LIMA1: variants seen among roughly 807,000 people sequenced by gnomAD.
LIMA1 encodes LIM domain and actin-binding protein 1.
LIMA1 carries 52 observed loss-of-function variants against 62.6 expected under a neutral mutation model. That is an observed-to-expected ratio of 0.83 (90% CI 0.67 to 1.05). The LOEUF (loss-of-function observed/expected upper bound fraction) is 1.05, where lower values mean the gene tolerates loss of function less well. Ranked by LOEUF, LIMA1 falls within the 50% of genes least tolerant of loss-of-function variation. LIMA1 has a pLI of 0.00. For synonymous variants in LIMA1, 302 were observed against 317.8 expected, an observed-to-expected ratio of 0.95 and a Z score of 0.53; for missense variants, 780 against 902.2, an observed-to-expected ratio of 0.86 and a Z score of 1.74.
intron 1 of LIMA1, among the ~76,000 whole-genome samples, chr12:50,254,392 G>T (rs947767661): frequency 6.6e-6 from 1 of 152,140 alleles, no homozygotes; most frequent in African/African-American, 2.4e-5. Flanking sequence ...TGGAAATCAA[G>T]TAACCAAATC....
intron 4 of LIMA1, among the ~76,000 whole-genome samples, chr12:50,212,414 A>T (rs984793636): frequency 6.6e-6 from 1 of 152,186 alleles, no homozygotes; most frequent in African/African-American, 2.4e-5. Flanking sequence ...GCATAGATAA[A>T]ACCTAGCCTT....
In LIMA1 at chr12:50,222,214, T is replaced by C; in HGVS notation, c.437A>G (p.Lys146Arg). 1 of 1,614,210 alleles carries C rather than the reference T, an allele frequency of 6.2e-7. No homozygotes were observed. Among genetic ancestry groups the C allele is most frequent in the Non-Finnish European group, 8.5e-7 (1 of 1,180,006 alleles). ...GTGGTCTTTAAGATCCTCACCGTCCTTGATGTGGGGATATCGACCCTGAAC... is the reference window on the plus strand; with the variant it reads ...GTGGTCTTTAAGATCCTCACCGTCCCTGATGTGGGGATATCGACCCTGAAC... ...ALVQGRYPHI[K>R]DGEDLKDHST... The change falls in exon 4 of 11, where the codon AAG (lysine) becomes AGG (arginine). Residue 146 changes from lysine to arginine, a missense_variant. Transcript: ENST00000341247.
chr12:50,231,846 C>A (rs1264281575), intron 2 of LIMA1, 136 bp from the exon 3 acceptor site: 8 of 732,152 alleles, frequency 1.1e-5, no homozygotes, highest in Non-Finnish European at 1.6e-5. Context: ...CGGCTCACTG[C>A]AACTTCTACC....
At chr12:50,260,412 G>T (rs1412770334) in intron 1 of LIMA1, among the ~76,000 whole-genome samples, 1 of 152,162 alleles carries the variant, frequency 6.6e-6, no homozygotes, top group Non-Finnish European at 1.5e-5. Context: ...GCCTCCCAAA[G>T]TGCTGGGATT....
intron 7 of LIMA1, among the ~76,000 whole-genome samples, chr12:50,200,097 G>C (rs1941013206): frequency 6.6e-6 from 1 of 152,070 alleles, no homozygotes; most frequent in Non-Finnish European, 1.5e-5. Context: ...GTTTCTCCAT[G>C]TTGGTCAGGC....
chr12:50,267,893 C>G (rs1942158620), intron 1 of LIMA1, among the ~76,000 whole-genome samples: 1 of 152,056 alleles, frequency 6.6e-6, no homozygotes, highest in African/African-American at 2.4e-5. Context: ...TAGCCTCAAC[C>G]TATCTCTCAC....
chr12:50,178,330 T>C (rs950264740), intron 10 of LIMA1, among the ~76,000 whole-genome samples: 1 of 152,098 alleles, frequency 6.6e-6, no homozygotes, highest in Non-Finnish European at 1.5e-5. Flanking sequence ...GAGGATCGCT[T>C]GAGCCCAGGA....
chr12:50,193,432 T>C (rs1940824380), intron 8 of LIMA1, among the ~76,000 whole-genome samples: 1 of 147,890 alleles, frequency 6.8e-6, no homozygotes, highest in South Asian at 2.1e-4. Context: ...GAAATCCACA[T>C]ATATATGTTT....
At chr12:50,249,719 C>T (rs1941901832) in intron 1 of LIMA1, 1 of 152,110 alleles carries the variant, frequency 6.6e-6, no homozygotes, top group Non-Finnish European at 1.5e-5. Flanking sequence ...AATGAGTCAA[C>T]AGTTTCCTTA....
intron 1 of LIMA1, among the ~76,000 whole-genome samples, chr12:50,256,575 T>C (rs1941999961): frequency 6.6e-6 from 1 of 152,246 alleles, no homozygotes; most frequent in Non-Finnish European, 1.5e-5. Flanking sequence ...AGTTGTCGTG[T>C]CTTCCTAAGT....
chr12:50,277,519 A>G (rs1446406542), intron 1 of LIMA1, among the ~76,000 whole-genome samples: 3 of 152,118 alleles, frequency 2.0e-5, no homozygotes, highest in African/African-American at 7.2e-5. Context: ...CAAAAGCCCA[A>G]CCCTCTCATT....
Position 50,204,617 on chromosome 12 carries a change from T to C in LIMA1, c.799A>G (p.Ile267Val). The C allele has an allele frequency of 3.1e-6, 5 of 1,614,262 alleles. 1 individual carries two copies. The South Asian group carries it at 4.4e-5, about 14-fold the overall frequency. The change falls in exon 6 of 11, where the codon ATA becomes GTA. Residue 267 changes from isoleucine to valine, a missense_variant. Transcript: ENST00000341247. ...LELPRLSETSIKDRMAKYQAA... is the reference protein window; with the variant it reads ...LELPRLSETSVKDRMAKYQAA... ...TGGTACTTGGCCATTCGATCCTTTATAGAGGTTTCTGAGAGGCGTGGAAGT... is the reference window on the plus strand; with the variant it reads ...TGGTACTTGGCCATTCGATCCTTTACAGAGGTTTCTGAGAGGCGTGGAAGT...
At chr12:50,190,550 T>G (rs1042484227) in intron 9 of LIMA1, among the ~76,000 whole-genome samples, 4 of 148,266 alleles carry the variant, frequency 2.7e-5, no homozygotes, top group African/African-American at 1.0e-4. Context: ...TTTTTTTTTT[T>G]TGTACTTTTA....
chr12:50,222,442 G>A lies in LIMA1; in HGVS notation c.209C>T (p.Thr70Ile). The A allele has an allele frequency of 1.2e-6, 2 of 1,614,138 alleles. No individual in the cohort carries two copies. Among genetic ancestry groups the A allele is most frequent in the Non-Finnish European group, 1.7e-6 (2 of 1,180,034 alleles). Residue 70 changes from threonine to isoleucine, a missense_variant, in exon 4 of 11, where the codon ACT becomes ATT. By Grantham distance (89) the Thr-to-Ile change is moderately conservative. Coordinates refer to ENST00000341247, the MANE Select transcript of LIMA1 (RefSeq NM_016357.5). The stretch of plus-strand genomic sequence containing the variant: ...GTTCTCCCACTTCTTCTTTAACACA[G>A]TCAGGGTCCCCTTTCTAAAGTGCTG... ...LSQHFRKGTLTVLKKKWENPG... is the reference protein window; with the variant it reads ...LSQHFRKGTLIVLKKKWENPG...
chr12:50,238,271 C>T (rs1003575521), intron 2 of LIMA1, among the ~76,000 whole-genome samples: 3 of 152,060 alleles, frequency 2.0e-5, no homozygotes, highest in Non-Finnish European at 4.4e-5. Context: ...CTTTGGGAGG[C>T]CAAGGTGGGC....
At chr12:50,179,634 T>C (rs1164917818) in intron 10 of LIMA1, among the ~76,000 whole-genome samples, 1 of 150,328 alleles carries the variant, frequency 6.7e-6, no homozygotes, top group Non-Finnish European at 1.5e-5. Flanking sequence ...AGACGGGGTT[T>C]CACCTTGTTA....
At chr12:50,190,366 ATTTT>A (rs1206751938) in intron 9 of LIMA1, 2 of 121,148 alleles carry the variant, frequency 1.7e-5, no homozygotes, top group Non-Finnish European at 3.5e-5. Context: ...CTTGAATGTC[ATTTT>A]TTTTTTTTTT....
At chr12:50,237,725 C>T (rs1005512905) in intron 2 of LIMA1, among the ~76,000 whole-genome samples, 2 of 152,090 alleles carry the variant, frequency 1.3e-5, no homozygotes, top group African/African-American at 4.8e-5. Context: ...CAGTATGATA[C>T]TGGCATAAAG....
rs370445751 is a variant in LIMA1, at chr12:50,275,468, T to C, written c.-24+7952A>G. Among the ~76,000 whole-genome samples the C allele has an allele frequency of 2.6e-5, 4 of 152,108 alleles. No individual in the cohort carries two copies. In the East Asian group the frequency reaches 5.8e-4, roughly 22 times the overall value. ...CTCATACCTAAAAGGCTTGTAATCT[T>C]ACAAGGAAGCAATAATTTATAAATA... On this transcript the variant is annotated intron_variant, in intron 1 of 10. Transcript: ENST00000341247.
Sources: allele counts gnomAD v4.1 joint callset (sites outside exome capture counted in the v4.1 genomes callset), GRCh38; gene constraint gnomAD v4.1.1; transcripts MANE v1.5; gene names NCBI Gene and HGNC (gene_info 2026-07-23, HGNC 2026-07-21).